EMX1: variants seen among roughly 807,000 people sequenced by gnomAD.
The protein encoded by EMX1 is empty spiracles homeobox 1.
EMX1 carries 10 observed loss-of-function variants against 20.1 expected under a neutral mutation model. The observed-to-expected ratio is 0.50, with a 90% CI of 0.31 to 0.84. The LOEUF is 0.84. EMX1 is among the 40% of genes least tolerant of loss of function. The probability of loss-of-function intolerance (pLI) is 0.05; values close to 1 mark genes in which losing one functional copy is unlikely to be tolerated. For synonymous variants in EMX1, 250 were observed against 200.4 expected, an observed-to-expected ratio of 1.25 and a Z score of -2.09; for missense variants, 424 against 431.9, an observed-to-expected ratio of 0.98 and a Z score of 0.16.
At chr2:72,916,652 G>C, upstream of EMX1, 1 of 711,184 alleles carries the variant, frequency 1.4e-6, no homozygotes, top group East Asian at 2.7e-5. Flanking sequence ...GGCTGCTTCT[G>C]CGTGTCCTGA....
At chr2:72,924,788 T>G (rs1671166535) in intron 2 of EMX1, among the ~76,000 whole-genome samples, 1 of 152,158 alleles carries the variant, frequency 6.6e-6, no homozygotes, top group Non-Finnish European at 1.5e-5. Context: ...GGGGACCAGG[T>G]TCCCTGGAGG....
At chr2:72,919,357 C>G (rs891337222) in intron 1 of EMX1, among the ~76,000 whole-genome samples, 1 of 151,686 alleles carries the variant, frequency 6.6e-6, no homozygotes, top group East Asian at 1.9e-4. Flanking sequence ...TTGATTTGTA[C>G]AGGCATCACT....
chr2:72,934,185 G>T lies in EMX1; in HGVS notation c.*231G>T. On this transcript the variant is annotated 3_prime_UTR_variant, in exon 3 of 3. Transcript: ENST00000258106. ...CCTCGGAGAGCCTGCCTGCCTGGGCGGGCCCGCCCGCCACCGCAGCCTCCC... is the reference window on the plus strand; with the variant it reads ...CCTCGGAGAGCCTGCCTGCCTGGGCTGGCCCGCCCGCCACCGCAGCCTCCC... The T allele has an allele frequency of 1.8e-6, 1 of 557,836 alleles. No individual in the cohort carries two copies. Among genetic ancestry groups the T allele is most frequent in the Non-Finnish European group, 3.1e-6 (1 of 325,672 alleles). 34.6% of individuals were successfully genotyped at this position (557,836 alleles called of 1,614,324 possible).
chr2:72,917,667 C>T lies in EMX1; in HGVS notation c.-186C>T, dbSNP rs1451051886. The T allele has an allele frequency of 7.3e-5, 25 of 340,658 alleles. No homozygotes were observed. Among genetic ancestry groups the T allele is most frequent in the Non-Finnish European group, 1.2e-4 (25 of 211,692 alleles). 21.1% of individuals were successfully genotyped at this position (340,658 alleles called of 1,614,324 possible). On this transcript the variant is annotated 5_prime_UTR_variant, in exon 1 of 3. Coordinates refer to ENST00000258106, the MANE Select transcript of EMX1 (RefSeq NM_004097.3). Reference sequence around the variant, plus strand: ...TGGCAGCTCGCAGCCTAGCACGGAGCCCGCGCCTGTGCGGGCGCCTGGAGC... The same window carrying T: ...TGGCAGCTCGCAGCCTAGCACGGAGTCCGCGCCTGTGCGGGCGCCTGGAGC...
intron 2 of EMX1, 127 bp downstream of exon 2, chr2:72,924,620 C>T: frequency 8.5e-7 from 1 of 1,172,754 alleles, no homozygotes; most frequent in Non-Finnish European, 1.2e-6. Context: ...GCCCCCATTC[C>T]CCGCGGCGCT....
intron 2 of EMX1, among the ~76,000 whole-genome samples, chr2:72,932,727 T>C (rs1262621791): frequency 6.6e-6 from 1 of 152,172 alleles, no homozygotes; most frequent in African/African-American, 2.4e-5. Flanking sequence ...GCCTCCTCCA[T>C]CATGGAGGAT....
At chr2:72,922,282 C>T (rs908927150) in intron 1 of EMX1, among the ~76,000 whole-genome samples, 1 of 152,234 alleles carries the variant, frequency 6.6e-6, no homozygotes, top group African/African-American at 2.4e-5. Flanking sequence ...GCTTTCCACC[C>T]ACCTTTCCCT....
intron 1 of EMX1, among the ~76,000 whole-genome samples, chr2:72,919,009 T>C (rs1671050432): frequency 6.6e-6 from 1 of 152,368 alleles, no homozygotes; most frequent in East Asian, 1.9e-4. Context: ...GCAAACTGGC[T>C]TCCGCCGTTG....
In EMX1 at chr2:72,918,484, T is replaced by G. The variant is rs933833543; in HGVS notation, c.520+112T>G. 24 of 1,291,790 alleles carry G rather than the reference T, an allele frequency of 1.9e-5. No homozygotes were observed. The African/African-American group carries it at 3.7e-4, about 20-fold the overall frequency. 80.0% of individuals were successfully genotyped at this position (1,291,790 alleles called of 1,614,324 possible). A position where few individuals can be genotyped will look rare whatever the true frequency, so the allele number is the denominator to read the frequency against. On this transcript the variant is annotated intron_variant, in intron 1 of 2. Coordinates refer to ENST00000258106, the MANE Select transcript of EMX1 (RefSeq NM_004097.3). ...GTTTAGAAGTTACTGCCGGGAAGGCTGCAGGTCCGCGGAGGTAGATTCCCA... is the reference window on the plus strand; with the variant it reads ...GTTTAGAAGTTACTGCCGGGAAGGCGGCAGGTCCGCGGAGGTAGATTCCCA...
At position 72,918,328 on chromosome 2, in the gene EMX1, A is replaced by T; in HGVS notation, c.476A>T (p.Tyr159Phe). 6.5e-7 allele frequency: 1 copy of T among 1,544,580 alleles called. No individual in the cohort carries two copies. Among genetic ancestry groups the T allele is most frequent in the Non-Finnish European group, 8.6e-7 (1 of 1,157,234 alleles). ...CAGCACCGGGACCCTCTCCATTTCT[A>T]CCCCTGGGTCCTGCGGAACCGCTTC... Reference protein sequence around the residue: ...GAQHRDPLHFYPWVLRNRFFG... With the variant: ...GAQHRDPLHFFPWVLRNRFFG... The change falls in exon 1 of 3, where the codon TAC becomes TTC. Residue 159 changes from tyrosine to phenylalanine, a missense_variant. Tyr to Phe is a conservative substitution (Grantham distance 22, BLOSUM62 3). Coordinates refer to ENST00000258106, the MANE Select transcript of EMX1 (RefSeq NM_004097.3).
chr2:72,917,899 G>A lies in EMX1; in HGVS notation c.47G>A (p.Arg16His). The change falls in exon 1 of 3, where the codon CGC becomes CAC. Residue 16 changes from arginine (R) to histidine (H), a missense_variant. Physicochemically the swap from Arg to His is conservative, Grantham distance 29. This residue lies in a region of EMX1 where 333 missense variants were observed against 296.6 expected (regional missense o/e 1.12). Transcript: ENST00000258106. ...CCCCGCAAGGCGGCGGCGCCAGGAC[G>A]CGGAGCGCTCCCCAGAGCCCGGCTG... The part of the protein sequence containing the change: ...CTPRKAAAPG[R>H]GALPRARLPR... 1 of 1,481,174 alleles carries A rather than the reference G, an allele frequency of 6.8e-7. No individual in the cohort carries two copies. Among genetic ancestry groups the A allele is most frequent in the Non-Finnish European group, 8.9e-7 (1 of 1,123,558 alleles). 91.8% of individuals were successfully genotyped at this position (1,481,174 alleles called of 1,614,324 possible). A position where few individuals can be genotyped will look rare whatever the true frequency, so the allele number is the denominator to read the frequency against.
intron 1 of EMX1, among the ~76,000 whole-genome samples, chr2:72,922,100 A>G (rs1021640645): frequency 2.0e-5 from 3 of 152,156 alleles, no homozygotes; most frequent in Admixed American, 6.5e-5. Flanking sequence ...CTTCTGACCA[A>G]CCTGGGCCAG....
chr2:72,924,408 TG>T lies in EMX1; in HGVS notation c.622del (p.Glu208SerfsTer29). 6.3e-7 allele frequency: 1 copy of T among 1,595,168 alleles called. No homozygotes were observed. Among genetic ancestry groups the T allele is most frequent in the Non-Finnish European group, 8.5e-7 (1 of 1,175,632 alleles). On this transcript the variant is annotated frameshift_variant, in exon 2 of 3. Coordinates refer to ENST00000258106, the MANE Select transcript of EMX1 (RefSeq NM_004097.3). LOFTEE classifies it high-confidence loss of function. ...TAFSPSQLLRLERAFEKNHYV... is the reference protein window; with the variant it reads ...TAFSPSQLLRXERAFEKNHYV... ...TTCTCGCCCTCGCAGCTGCTGCGGC[TG>T]GAGCGCGCCTTCGAGAAGAACCACT...
chr2:72,924,504 C>A lies in EMX1; in HGVS notation c.705+11C>A. ...CTCTCCGAGACGCAGGTAATCACCC[C>A]CGGTCGCGGCCTGCCCTGCGCCCGG... On this transcript the variant is annotated intron_variant, in intron 2 of 2. Transcript: ENST00000258106. The A allele has an allele frequency of 1.3e-6, 2 of 1,565,796 alleles. No individual in the cohort carries two copies. Among genetic ancestry groups the A allele is most frequent in the Non-Finnish European group, 8.6e-7 (1 of 1,160,746 alleles).
At chr2:72,924,613 C>T (rs1671162899) in intron 2 of EMX1, 120 bp downstream of exon 2, 2 of 1,229,540 alleles carry the variant, frequency 1.6e-6, no homozygotes. Flanking sequence ...CCAAAAGGCC[C>T]CCATTCCCCG....
At chr2:72,917,296 G>A (rs1670981145), upstream of EMX1, among the ~76,000 whole-genome samples, 1 of 32 alleles carries the variant, frequency 0.031, no homozygotes, top group South Asian at 0.5. Context: ...GGGTTGAGAC[G>A]GCGGCACGGC....
chr2:72,933,072 G>C (rs560809106), intron 2 of EMX1: 1 of 152,422 alleles, frequency 6.6e-6, no homozygotes, highest in South Asian at 2.1e-4. Flanking sequence ...CCCCCCACCT[G>C]CCCAGCTCCA....
intron 2 of EMX1, among the ~76,000 whole-genome samples, chr2:72,929,307 TATG>T (rs1671249040): frequency 6.6e-6 from 1 of 152,146 alleles, no homozygotes; most frequent in African/African-American, 2.4e-5. Context: ...AGGTGAATCT[TATG>T]ATGTCTCCCT....
chr2:72,930,832 A>C lies in EMX1; in HGVS notation c.706-2955A>C, dbSNP rs990976876. Reference sequence around the variant, plus strand: ...GTAAAAAATAACTACCATTATCAATAATCTATTAAGGAAAATTCAGAAAAG... The same window carrying C: ...GTAAAAAATAACTACCATTATCAATCATCTATTAAGGAAAATTCAGAAAAG... On this transcript the variant is annotated intron_variant, in intron 2 of 2. Coordinates refer to ENST00000258106, the MANE Select transcript of EMX1 (RefSeq NM_004097.3). This position sits in a 1 kb window ranked among gnomAD's most constrained non-coding sequence, Gnocchi z 4.4. 6.6e-6 allele frequency among the ~76,000 whole-genome samples: 1 copy of C among 152,214 alleles called. No individual in the cohort carries two copies. The highest frequency in any genetic ancestry group is 1.5e-5 in the Non-Finnish European group (1 of 68,038).
Sources: gnomAD v4.1 joint callset for allele counts (sites outside exome capture counted in the v4.1 genomes callset) on GRCh38, gnomAD v4.1.1 for gene constraint, gnomAD v4.1.1 regional missense constraint, Gnocchi (gnomAD v3.1) non-coding constraint, MANE v1.5 for transcripts, NCBI Gene and HGNC (gene_info 2026-07-23, HGNC 2026-07-21) for gene names.